MAGI2: variants seen among roughly 807,000 people sequenced by gnomAD.
MAGI2 encodes membrane associated guanylate kinase, WW and PDZ domain containing 2, also known as membrane-associated guanylate kinase, WW and PDZ domain-containing protein 2.
A neutral mutation model predicts 133.3 loss-of-function variants in MAGI2; 35 were observed. The observed-to-expected ratio is 0.26, with a 90% CI of 0.20 to 0.35. The LOEUF is 0.35. Among genes scored for constraint, MAGI2 ranks in the 10% least tolerant of loss-of-function variants. MAGI2 has a pLI of 1.00. For synonymous variants in MAGI2, 729 were observed against 710.6 expected (o/e 1.03, Z -0.41); for missense variants, 1,636 against 1,863.4 (o/e 0.88, Z 2.25).
At chr7:78,340,538 A>G (rs1332006483) in intron 9 of MAGI2, among the ~76,000 whole-genome samples, 1 of 152,230 alleles carries the variant, frequency 6.6e-6, no homozygotes, top group Non-Finnish European at 1.5e-5. Context: ...CTTGATGAAC[A>G]TCGATGCAAA....
At chr7:78,070,218 T>TATATATATACAC (rs1453553515) in intron 21 of MAGI2, among the ~76,000 whole-genome samples, 1 of 52,278 alleles carries the variant, frequency 1.9e-5, no homozygotes, top group African/African-American at 4.7e-5. Context: ...TATATATATA[T>TATATATATACAC]ACACACACAC....
intron 2 of MAGI2, among the ~76,000 whole-genome samples, chr7:78,740,661 C>T (rs114518886): frequency 7.8e-4 from 118 of 152,242 alleles, no homozygotes; most frequent in African/African-American, 2.7e-3. Context: ...ATCACTGATA[C>T]TAGAGACCAG....
At chr7:78,582,470 G>C (rs886347422) in intron 3 of MAGI2, among the ~76,000 whole-genome samples, 4 of 152,230 alleles carry the variant, frequency 2.6e-5, no homozygotes, top group African/African-American at 9.6e-5. Context: ...GTTTATGGAA[G>C]TGATATATGT....
intron 9 of MAGI2, among the ~76,000 whole-genome samples, chr7:78,286,882 T>C (rs570597650): frequency 6.6e-6 from 1 of 152,102 alleles, no homozygotes; most frequent in African/African-American, 2.4e-5. Context: ...TATGTTGATA[T>C]CAGAGCTTGT....
chr7:78,509,680 C>G (rs1421353033), intron 4 of MAGI2, among the ~76,000 whole-genome samples: 1 of 152,144 alleles, frequency 6.6e-6, no homozygotes, highest in Non-Finnish European at 1.5e-5. Context: ...GGTACAAGAC[C>G]AATGATAAGT....
At chr7:79,434,897 A>T (rs1848032834) in intron 1 of MAGI2, among the ~76,000 whole-genome samples, 1 of 152,210 alleles carries the variant, frequency 6.6e-6, no homozygotes, top group Non-Finnish European at 1.5e-5. Context: ...ATTAGTAGAA[A>T]GCCTAAATAG....
intron 6 of MAGI2, among the ~76,000 whole-genome samples, chr7:78,437,362 A>G (rs1454052298): frequency 6.6e-6 from 1 of 152,210 alleles, no homozygotes; most frequent in Non-Finnish European, 1.5e-5. Context: ...TGGGGGAAGA[A>G]GTCATGCAAA....
At chr7:78,130,795 T>C (rs114891510) in intron 18 of MAGI2, among the ~76,000 whole-genome samples, 30 of 152,326 alleles carry the variant, frequency 2.0e-4, no homozygotes, top group African/African-American at 7.2e-4. Context: ...TTATAAACAT[T>C]TGGATTAGGT....
intron 6 of MAGI2, among the ~76,000 whole-genome samples, chr7:78,394,430 G>A (rs755104776): frequency 2.0e-5 from 3 of 152,022 alleles, no homozygotes; most frequent in Non-Finnish European, 4.4e-5. Flanking sequence ...TCTTCCCCAG[G>A]GCATGTCCTC....
intron 2 of MAGI2, among the ~76,000 whole-genome samples, chr7:78,960,171 G>C (rs1802722441): frequency 6.6e-6 from 1 of 152,102 alleles, no homozygotes; most frequent in Non-Finnish European, 1.5e-5. Flanking sequence ...TGATGTGTTA[G>C]AAAACCTGAT....
At chr7:79,002,301 T>A (rs1806947875) in intron 2 of MAGI2, among the ~76,000 whole-genome samples, 1 of 151,902 alleles carries the variant, frequency 6.6e-6, no homozygotes, top group South Asian at 2.1e-4. Context: ...TTTAATTTTT[T>A]TTTTGTAGAG....
intron 21 of MAGI2, among the ~76,000 whole-genome samples, chr7:78,032,001 C>G (rs1809627178): frequency 1.5e-5 from 2 of 129,146 alleles, no homozygotes; most frequent in South Asian, 5.5e-4. Flanking sequence ...GGGGACAAAG[C>G]CCCCCCACTT....
chr7:78,289,515 G>A (rs1385269228), intron 9 of MAGI2, among the ~76,000 whole-genome samples: 1 of 152,114 alleles, frequency 6.6e-6, no homozygotes, highest in Non-Finnish European at 1.5e-5. Flanking sequence ...GAACCAAGTT[G>A]GAAAACACTC....
chr7:78,498,905 C>A (rs1027607136), intron 5 of MAGI2, among the ~76,000 whole-genome samples: 1 of 152,148 alleles, frequency 6.6e-6, no homozygotes, highest in African/African-American at 2.4e-5. Flanking sequence ...CCTTCTTTCA[C>A]CTTAGTCTCC....
chr7:79,046,521 T>C (rs1164833838), intron 1 of MAGI2, among the ~76,000 whole-genome samples: 1 of 152,208 alleles, frequency 6.6e-6, no homozygotes, highest in Admixed American at 6.5e-5. Context: ...ACACGTGATA[T>C]CTCTAAAATT....
intron 1 of MAGI2, among the ~76,000 whole-genome samples, chr7:79,404,408 TC>T (rs1189996691): frequency 6.6e-6 from 1 of 152,086 alleles, no homozygotes; most frequent in African/African-American, 2.4e-5. Context: ...CAATCATAGG[TC>T]ACTGCAGCCT....
At chr7:79,065,527 T>G (rs1814216904) in intron 1 of MAGI2, among the ~76,000 whole-genome samples, 1 of 152,120 alleles carries the variant, frequency 6.6e-6, no homozygotes, top group South Asian at 2.1e-4. Flanking sequence ...ATATGGTTAA[T>G]TGAAACTATT....
intron 3 of MAGI2, among the ~76,000 whole-genome samples, chr7:78,529,668 G>GGTTTTTTTT (rs1797278866): frequency 1.7e-5 from 1 of 57,382 alleles, no homozygotes; most frequent in African/African-American, 5.5e-5. Flanking sequence ...AAAGGAGATG[G>GGTTTTTTTT]TTTTTTTTTT....
At chr7:78,219,063 T>C (rs903791877) in intron 10 of MAGI2, among the ~76,000 whole-genome samples, 1 of 152,222 alleles carries the variant, frequency 6.6e-6, no homozygotes, top group African/African-American at 2.4e-5. Context: ...TGGGCTGCTC[T>C]GATTAATGAT....
Sources: gnomAD v4.1 joint callset for allele counts (sites outside exome capture counted in the v4.1 genomes callset) on GRCh38, gnomAD v4.1.1 for gene constraint, MANE v1.5 for transcripts, NCBI Gene and HGNC (gene_info 2026-07-23, HGNC 2026-07-21) for gene names.